TLL2: variants seen among roughly 807,000 people sequenced by gnomAD.
TLL2 encodes tolloid-like protein 2.
TLL2 carries 106 observed loss-of-function variants against 123.0 expected under a neutral mutation model. The ratio of observed to expected loss-of-function variants is 0.86; its 90% CI spans 0.74 to 1.01. TLL2 has a LOEUF of 1.01. TLL2 is among the 50% of genes least tolerant of loss of function. The pLI is 0.00. For synonymous variants in TLL2, 494 were observed against 516.8 expected (o/e 0.96, Z 0.60); for missense variants, 1,332 against 1,336.7 (o/e 1.00, Z 0.06).
At chr10:96,432,359 C>A (rs534893792) in intron 4 of TLL2, among the ~76,000 whole-genome samples, 1 of 152,174 alleles carries the variant, frequency 6.6e-6, no homozygotes, top group East Asian at 1.9e-4. Flanking sequence ...GGGAGTCGAG[C>A]CATGTCCACT....
At chr10:96,424,965 C>T in intron 5 of TLL2, among the ~76,000 whole-genome samples, 1 of 149,364 alleles carries the variant, frequency 6.7e-6, no homozygotes. Context: ...TTTGATCTAG[C>T]TAGAATAGTT....
chr10:96,455,840 C>T (rs1445656623), intron 2 of TLL2, among the ~76,000 whole-genome samples: 1 of 152,198 alleles, frequency 6.6e-6, no homozygotes, highest in Non-Finnish European at 1.5e-5. Context: ...TTTATGGATT[C>T]ACCTCAAATT....
intron 3 of TLL2, among the ~76,000 whole-genome samples, chr10:96,434,637 C>G (rs1846775475): frequency 6.6e-6 from 1 of 152,154 alleles, no homozygotes; most frequent in African/African-American, 2.4e-5. Flanking sequence ...AGGAATAACG[C>G]TTCTATGAAC....
intron 10 of TLL2, among the ~76,000 whole-genome samples, chr10:96,402,134 A>G (rs1846403326): frequency 6.6e-6 from 1 of 152,220 alleles, no homozygotes; most frequent in African/African-American, 2.4e-5. Flanking sequence ...CTCCTCCCAC[A>G]TAGCTCTTTT....
chr10:96,493,465 G>T (rs773225155), intron 1 of TLL2, among the ~76,000 whole-genome samples: 1 of 152,190 alleles, frequency 6.6e-6, no homozygotes, highest in African/African-American at 2.4e-5. Flanking sequence ...GCAAGGCACT[G>T]TCAGGGCAGG....
chr10:96,449,582 G>C (rs1480723703), intron 2 of TLL2, among the ~76,000 whole-genome samples: 1 of 152,128 alleles, frequency 6.6e-6, no homozygotes, highest in Non-Finnish European at 1.5e-5. Context: ...ATGTGGCTTG[G>C]CCACATTTCA....
chr10:96,508,936 G>C (rs1254282234), intron 1 of TLL2, among the ~76,000 whole-genome samples: 3 of 152,086 alleles, frequency 2.0e-5, no homozygotes, highest in African/African-American at 7.2e-5. Flanking sequence ...GGGAGGGCTT[G>C]TGGCCGTGAT....
At chr10:96,477,941 G>A (rs1847276335) in intron 2 of TLL2, among the ~76,000 whole-genome samples, 2 of 152,286 alleles carry the variant, frequency 1.3e-5, no homozygotes, top group Admixed American at 1.3e-4. Context: ...CCAGACTCTG[G>A]GGGATCTAAA....
intron 16 of TLL2, among the ~76,000 whole-genome samples, chr10:96,379,818 A>G (rs187201874): frequency 3.3e-5 from 5 of 152,302 alleles, no homozygotes; most frequent in African/African-American, 1.2e-4. Flanking sequence ...GTGAAACTCC[A>G]TCTCAAAAAC....
chr10:96,491,044 C>A (rs1847407060), intron 1 of TLL2, among the ~76,000 whole-genome samples: 1 of 152,162 alleles, frequency 6.6e-6, no homozygotes, highest in Non-Finnish European at 1.5e-5. Context: ...CAATTCCTCA[C>A]AGAGATGTAG....
chr10:96,396,155 C>G, intron 11 of TLL2, 135 bp from the exon 12 acceptor site: 2 of 986,252 alleles, frequency 2.0e-6, no homozygotes, highest in Admixed American at 2.6e-5. Flanking sequence ...TCATCTCCAG[C>G]CCACAAACAC....
rs868288318 is a variant in TLL2, at chr10:96,403,686, C to T, written c.1267+1546G>A. Among the ~76,000 whole-genome samples, 44 of 151,982 alleles carry T rather than the reference C, an allele frequency of 2.9e-4. No individual in the cohort carries two copies. In the Middle Eastern group the frequency reaches 0.014, roughly 47 times the overall value. On this transcript the variant is annotated intron_variant, in intron 10 of 20. Transcript: ENST00000357947. Reference sequence around the variant, plus strand: ...CCTGACCGTCCCCCAGCCCGACACCCGTAAAGGGTCTGTGCTGAGGTGGAT... The same window carrying T: ...CCTGACCGTCCCCCAGCCCGACACCTGTAAAGGGTCTGTGCTGAGGTGGAT...
intron 20 of TLL2, 69 bp from the exon 21 acceptor site, chr10:96,368,291 G>C: frequency 6.4e-7 from 1 of 1,570,524 alleles, no homozygotes; most frequent in South Asian, 1.1e-5. Context: ...AGGAGGATGG[G>C]ACAGGATCTT....
chr10:96,418,570 A>C (rs1292094753), intron 7 of TLL2, among the ~76,000 whole-genome samples: 2 of 152,074 alleles, frequency 1.3e-5, no homozygotes, highest in African/African-American at 4.8e-5. Flanking sequence ...TTGAATACCT[A>C]CTAGGTGCCA....
rs1367306105 is a variant in TLL2 at position 96,420,991 on chromosome 10, G to A, written c.888C>T (p.Asp296=). 1 of 1,613,998 alleles carries A rather than the reference G, an allele frequency of 6.2e-7. No individual in the cohort carries two copies. Among genetic ancestry groups the A allele is most frequent in the African/African-American group, 1.3e-5 (1 of 74,920 alleles). Residue 296 remains aspartate, a synonymous_variant, in exon 7 of 21, where the codon GAC becomes GAT. Transcript: ENST00000357947. ...TGTTCCGGGCGTAGTGCATGATGCT[G>A]TCAAAGTCGTATGTCTCTCCCAGAG... ...VSSLGETYDF[D]SIMHYARNTF...
intron 9 of TLL2, among the ~76,000 whole-genome samples, chr10:96,409,533 T>C (rs773711234): frequency 2.3e-4 from 35 of 152,242 alleles, no homozygotes; most frequent in Non-Finnish European, 4.7e-4. Flanking sequence ...TTTCTAGTTC[T>C]ATATCTTACC....
chr10:96,478,439 G>A (rs1257366415), intron 2 of TLL2, among the ~76,000 whole-genome samples: 1 of 152,196 alleles, frequency 6.6e-6, no homozygotes, highest in East Asian at 1.9e-4. Context: ...ACCTACTAAC[G>A]CTGAACTGTG....
intron 5 of TLL2, among the ~76,000 whole-genome samples, chr10:96,423,129 A>T: frequency 3.8e-4 from 1 of 2,622 alleles, no homozygotes; most frequent in Non-Finnish European, 9.3e-4. Context: ...ACACCGTCTC[A>T]AAAAAAAAAA....
chr10:96,494,200 A>C (rs934204411), intron 1 of TLL2, among the ~76,000 whole-genome samples: 2 of 152,208 alleles, frequency 1.3e-5, no homozygotes, highest in African/African-American at 4.8e-5. Flanking sequence ...GAAGATTCCA[A>C]GAGTCTGGTG....
Sources: gnomAD v4.1 joint callset for allele counts (sites outside exome capture counted in the v4.1 genomes callset) on GRCh38, gnomAD v4.1.1 for gene constraint, MANE v1.5 for transcripts, NCBI Gene and HGNC (gene_info 2026-07-23, HGNC 2026-07-21) for gene names.